ERN2: variants seen among roughly 807,000 people sequenced by gnomAD.
ERN2 encodes endoplasmic reticulum to nucleus signaling 2.
In ERN2, 111 loss-of-function variants were observed where a neutral mutation model predicts 107.9. The ratio of observed to expected loss-of-function variants is 1.03; its 90% CI spans 0.88 to 1.20. The LOEUF (loss-of-function observed/expected upper bound fraction) is 1.20. Ranked by LOEUF, ERN2 falls within the 50% of genes most tolerant of loss-of-function variation. The probability of loss-of-function intolerance (pLI) is 0.00; values close to 1 mark genes in which losing one functional copy is unlikely to be tolerated. For synonymous variants in ERN2, 524 were observed against 501.7 expected, an observed-to-expected ratio of 1.04 and a Z score of -0.59; for missense variants, 1,225 against 1,197.9, an observed-to-expected ratio of 1.02 and a Z score of -0.33.
intron 17 of ERN2, 68 bp from the exon 18 acceptor site, chr16:23,692,399 C>T (rs1234109484): frequency 6.4e-7 from 1 of 1,560,548 alleles, no homozygotes; most frequent in African/African-American, 1.4e-5. Flanking sequence ...GCTAAATTCT[C>T]CCATGGGCTG....
chr16:23,702,605 C>T lies in ERN2; in HGVS notation c.933+19G>A, dbSNP rs1356793634. 8 of 1,614,068 alleles carry T rather than the reference C, an allele frequency of 5.0e-6. No individual in the cohort carries two copies. The highest frequency in any genetic ancestry group is 1.3e-5 in the African/African-American group (1 of 74,936). On this transcript the variant is annotated intron_variant, in intron 9 of 21. Coordinates refer to ENST00000256797, the MANE Select transcript of ERN2 (RefSeq NM_033266.4). The stretch of plus-strand genomic sequence containing the variant: ...TCCCGTTCATCCTCTTTCCAGCCCA[C>T]TCAGAGACCACTTCTTACCACCAGG...
rs1234592809 is a variant in ERN2 at position 23,700,668 on chromosome 16, G to T, written c.1396C>A (p.Pro466Thr). ...TGAGCAAAGTCTGCAGGTGCCAGGG[G>T]GGTCTCCTGCTGCTTCTCCACCACC... ...PQVVEKQQETPLAPADFAHIS... is the reference protein window; with the variant it reads ...PQVVEKQQETTLAPADFAHIS... The change falls in exon 13 of 22, where the codon CCC (proline) becomes ACC (threonine). Residue 466 changes from proline (P) to threonine (T), a missense_variant. Transcript: ENST00000256797. The T allele has an allele frequency of 5.0e-6, 8 of 1,613,808 alleles. No homozygotes were observed. Among genetic ancestry groups the T allele is most frequent in the Non-Finnish European group, 5.9e-6 (7 of 1,179,924 alleles).
Position 23,704,930 on chromosome 16 carries a change from G to T in ERN2, c.807C>A (p.Gly269=), listed in dbSNP as rs1960235710. The change falls in exon 8 of 22, where the codon GGC becomes GGA. Residue 269 remains glycine (G), a synonymous_variant. Transcript: ENST00000256797. ...AGAAGAGGGTGGCTGTGTCCCGGGG[G>T]CCTGAGGCAGGCAGTCGGATGTGGC... ...RWGHIRLPAS[G]PRDTATLFST... is the part of the protein sequence containing the mutation. The T allele has an allele frequency of 1.9e-6, 3 of 1,613,420 alleles. No homozygotes were observed. Among genetic ancestry groups the T allele is most frequent in the African/African-American group, 1.3e-5 (1 of 74,926 alleles).
Position 23,710,418 on chromosome 16 carries a change from C to T in ERN2, c.233+98G>A, listed in dbSNP as rs1481365331. ...CAGAGCCAATTCTCTTCCCTTACTT[C>T]CAACATGTCCCTGCCCCACATACAA... On this transcript the variant is annotated intron_variant, in intron 3 of 21. Coordinates refer to ENST00000256797, the MANE Select transcript of ERN2 (RefSeq NM_033266.4). 8 of 1,362,398 alleles carry T rather than the reference C, an allele frequency of 5.9e-6. No homozygotes were observed. In the Admixed American group the frequency reaches 1.2e-4, roughly 20 times the overall value. The allele number at this position is 1,362,398 out of a possible 1,614,324, so 84.4% of individuals were successfully genotyped here.
rs1479294085 is a variant in ERN2 at position 23,702,123 on chromosome 16, C to A, written c.1203+29G>T. 7 of 1,600,752 alleles carry A rather than the reference C, an allele frequency of 4.4e-6. No homozygotes were observed. In the Admixed American group the frequency reaches 8.6e-5, roughly 20 times the overall value. On this transcript the variant is annotated intron_variant, in intron 11 of 21. Coordinates refer to ENST00000256797, the MANE Select transcript of ERN2 (RefSeq NM_033266.4). ...CCCCCCATCTGCTGGGGCCTCCCTACCCCCACTCTCTCCCCTCCCAGCACT... is the reference window on the plus strand; with the variant it reads ...CCCCCCATCTGCTGGGGCCTCCCTAACCCCACTCTCTCCCCTCCCAGCACT...
At chr16:23,706,249 G>T in intron 7 of ERN2, 81 bp downstream of exon 7, 3 of 962,138 alleles carry the variant, frequency 3.1e-6, no homozygotes, top group South Asian at 1.7e-5. Context: ...ATGTGGCTGG[G>T]AATTGGTCAT....
intron 7 of ERN2, among the ~76,000 whole-genome samples, chr16:23,705,655 G>A (rs1384652615): frequency 2.0e-5 from 3 of 152,124 alleles, no homozygotes; most frequent in Non-Finnish European, 4.4e-5. Flanking sequence ...GCTTATGCTC[G>A]TAATCCCAGC....
intron 4 of ERN2, among the ~76,000 whole-genome samples, chr16:23,708,035 C>T (rs1960393835): frequency 6.6e-6 from 1 of 152,174 alleles, no homozygotes; most frequent in East Asian, 1.9e-4. Flanking sequence ...TCAGAGTATG[C>T]CCTGCTGTCC....
rs1454879377 is a variant in ERN2 at position 23,706,782 on chromosome 16, G to A, written c.459C>T (p.Ser153=). ...TTCGGCCAATGTAGAGGCGGGGGGT[G>A]GAGGGACCCTCTGTGGTCAGTGTCA... The part of the protein sequence containing the change: ...TQMTLTTEGP[S]TPRLYIGRTQ... Residue 153 remains serine (S), a synonymous_variant, in exon 6 of 22, where the codon TCC becomes TCT. Transcript: ENST00000256797. 6 of 1,610,806 alleles carry A rather than the reference G, an allele frequency of 3.7e-6. No homozygotes were observed. The highest frequency in any genetic ancestry group is 1.3e-5 in the African/African-American group (1 of 74,730).
In ERN2 at chr16:23,690,776, G is replaced by A; in HGVS notation, c.*55C>T. The A allele has an allele frequency of 7.2e-7, 1 of 1,384,296 alleles. No individual in the cohort carries two copies. The highest frequency in any genetic ancestry group is 1.0e-6 in the Non-Finnish European group (1 of 1,001,914). 85.8% of individuals were successfully genotyped at this position (1,384,296 alleles called of 1,614,324 possible). A position where few individuals can be genotyped will look rare whatever the true frequency, so the allele number is the denominator to read the frequency against. ...AGCCTGATTCTGAGGCCAGCCACAG[G>A]CTCAGCTCTTCAGTGAGCCAGCACG... On this transcript the variant is annotated 3_prime_UTR_variant, in exon 22 of 22. Transcript: ENST00000256797.
chr16:23,699,850 T>C lies in ERN2; in HGVS notation c.1525+689A>G, dbSNP rs1434905837. On this transcript the variant is annotated intron_variant, in intron 13 of 21. Transcript: ENST00000256797. ...AAATATAACATCATTTTAACATGAA[T>C]ATTAATATTACCTAAGTATTATTTA... Among the ~76,000 whole-genome samples the C allele has an allele frequency of 3.9e-5, 6 of 152,348 alleles. No homozygotes were observed. The East Asian group carries it at 9.6e-4, about 24-fold the overall frequency.
chr16:23,701,415 G>C (rs1960060356), intron 11 of ERN2, among the ~76,000 whole-genome samples: 1 of 152,188 alleles, frequency 6.6e-6, no homozygotes, highest in African/African-American at 2.4e-5. Flanking sequence ...GCGCTGGAGT[G>C]GGCTCCCAGG....
At chr16:23,693,768 C>T (rs1959693546) in intron 17 of ERN2, among the ~76,000 whole-genome samples, 1 of 152,132 alleles carries the variant, frequency 6.6e-6, no homozygotes, top group South Asian at 2.1e-4. Flanking sequence ...ATCCATTTCT[C>T]TGGCTTCAAC....
Position 23,702,480 on chromosome 16 carries a change from G to A in ERN2, c.991C>T (p.Gln331Ter), listed in dbSNP as rs764769086. ...DGPTTDEVTLQVSGEREGSPS... is the reference protein window; with the variant it reads ...DGPTTDEVTL Reference sequence around the variant, plus strand: ...GAGCCCTCTCGCTCTCCTGAGACTTGGAGTGTCACCTCATCTGTGGTGGGG... The same window carrying A: ...GAGCCCTCTCGCTCTCCTGAGACTTAGAGTGTCACCTCATCTGTGGTGGGG... The change falls in exon 10 of 22, where the codon CAA becomes TAA. Residue 331 changes from glutamine to a stop codon, truncating the protein, a stop_gained. Transcript: ENST00000256797. LOFTEE classifies it high-confidence loss of function. The A allele has an allele frequency of 4.3e-6, 7 of 1,613,636 alleles. No homozygotes were observed. The highest frequency in any genetic ancestry group is 5.9e-6 in the Non-Finnish European group (7 of 1,180,018).
Position 23,691,295 on chromosome 16 carries a change from C to G in ERN2, c.2500+7G>C. 6.2e-7 allele frequency: 1 copy of G among 1,612,164 alleles called. No individual in the cohort carries two copies. Among genetic ancestry groups the G allele is most frequent in the Non-Finnish European group, 8.5e-7 (1 of 1,179,986 alleles). ...ACCGCCCAGGCCCACCTGAGTATGG[C>G]CTCTACCTGTCTGCAGCGGCATGGA... On this transcript the variant is annotated splice_region_variant and intron_variant, in intron 20 of 21. Transcript: ENST00000256797.
In ERN2 at chr16:23,691,955, C is replaced by T. The variant is rs762351653; in HGVS notation, c.2376+8G>A. 1.9e-6 allele frequency: 3 copies of T among 1,611,382 alleles called. No homozygotes were observed. The highest frequency in any genetic ancestry group is 2.5e-6 in the Non-Finnish European group (3 of 1,178,996). ...TTTTGGGGGCCATTCCCAAGCTTTCCTTCTGACCTGGAAGAACTGGAGTTG... is the reference window on the plus strand; with the variant it reads ...TTTTGGGGGCCATTCCCAAGCTTTCTTTCTGACCTGGAAGAACTGGAGTTG... On this transcript the variant is annotated splice_region_variant and intron_variant, in intron 19 of 21. Transcript: ENST00000256797.
intron 13 of ERN2, among the ~76,000 whole-genome samples, chr16:23,700,015 C>A (rs560091707): frequency 2.0e-5 from 3 of 152,120 alleles, no homozygotes; most frequent in African/African-American, 7.2e-5. Flanking sequence ...TTATCTACAC[C>A]CAGGTTCCTT....
In ERN2 at chr16:23,700,492, G is replaced by C. The variant is rs74012338; in HGVS notation, c.1525+47C>G. The C allele has an allele frequency of 9.0e-6, 14 of 1,547,896 alleles. No individual in the cohort carries two copies. The Admixed American group carries it at 2.6e-4, about 29-fold the overall frequency. ...CAGCTTTGCAGCTAAATCTGCCCCT[G>C]GCTTTTCTCTGTTCCTGACTGCCCT... On this transcript the variant is annotated intron_variant, in intron 13 of 21. Transcript: ENST00000256797.
intron 9 of ERN2, 32 bp downstream of exon 9, chr16:23,702,592 T>C (rs1280203891): frequency 6.2e-7 from 1 of 1,613,974 alleles, no homozygotes; most frequent in African/African-American, 1.3e-5. Context: ...CCGTTCATCC[T>C]CTTTCCAGCC....
Sources: allele counts gnomAD v4.1 joint callset (sites outside exome capture counted in the v4.1 genomes callset), GRCh38; gene constraint gnomAD v4.1.1; transcripts MANE v1.5; gene names NCBI Gene and HGNC (gene_info 2026-07-23, HGNC 2026-07-21).